Variants in TEX14 observed in about 807,000 individuals in gnomAD.
TEX14 encodes inactive serine/threonine-protein kinase TEX14.
In TEX14, 168 loss-of-function variants were observed where a neutral mutation model predicts 178.6. That is an observed-to-expected ratio of 0.94 (90% CI 0.83 to 1.07). TEX14 has a LOEUF of 1.07. Ranked by LOEUF, TEX14 falls within the 50% of genes least tolerant of loss-of-function variation. TEX14 has a pLI of 0.00. For synonymous variants in TEX14, 626 were observed against 634.1 expected, an observed-to-expected ratio of 0.99 and a Z score of 0.19; for missense variants, 1,730 against 1,753.6, an observed-to-expected ratio of 0.99 and a Z score of 0.24.
At chr17:58,557,232 T>G (rs908549479) in intron 31 of TEX14, among the ~76,000 whole-genome samples, 185 bp from the exon 32 acceptor site, 1 of 152,232 alleles carries the variant, frequency 6.6e-6, no homozygotes, top group South Asian at 2.1e-4. Context: ...TACAGAGCAA[T>G]TGACAGCAGC....
In TEX14 at chr17:58,585,876, T is replaced by C. The variant is rs2144412225; in HGVS notation, c.2995A>G (p.Lys999Glu). ...RENDEPRGNGKFDKTGNNDCD... is the reference protein window; with the variant it reads ...RENDEPRGNGEFDKTGNNDCD... ...TCATTGTTGCCCGTCTTGTCAAACT[T>C]GCCATTTCCTCTGGGCTCATCATTT... Residue 999 changes from lysine (K) to glutamate (E), a missense_variant, in exon 18 of 32, where the codon AAG becomes GAG. Transcript: ENST00000349033. The C allele has an allele frequency of 6.2e-7, 1 of 1,614,070 alleles. No individual in the cohort carries two copies. The highest frequency in any genetic ancestry group is 1.6e-4 in the Middle Eastern group (1 of 6,062).
chr17:58,686,201 G>T (rs1239061126), intron 1 of TEX14, among the ~76,000 whole-genome samples: 14 of 152,092 alleles, frequency 9.2e-5, no homozygotes. Flanking sequence ...GCTAGGCACG[G>T]TGGCATGTGC....
At chr17:58,662,413 TCTCACA>T (rs770656790) in intron 1 of TEX14, among the ~76,000 whole-genome samples, 3,431 of 127,726 alleles carry the variant, frequency 0.027, 55 homozygotes, top group Non-Finnish European at 0.035. Flanking sequence ...AGCACACATA[TCTCACA>T]CACACACACA....
rs146761365 is a variant in TEX14, at chr17:58,599,004, C to T, written c.2341G>A (p.Ala781Thr). The T allele has an allele frequency of 1.2e-5, 20 of 1,613,960 alleles. No individual in the cohort carries two copies. Among genetic ancestry groups the T allele is most frequent in the Non-Finnish European group, 1.4e-5 (16 of 1,180,018 alleles). The change falls in exon 14 of 32, where the codon GCC becomes ACC. Residue 781 changes from alanine to threonine, a missense_variant. Transcript: ENST00000349033. ...LWATSREFTNAYKLPLAVGPP... is the reference protein window; with the variant it reads ...LWATSREFTNTYKLPLAVGPP... ...CCCACGGCCAGAGGTAACTTGTAGG[C>T]ATTTGTAAACTCTCTTGAAGTGGCC... is the stretch of plus-strand genomic sequence containing the variant.
intron 1 of TEX14, among the ~76,000 whole-genome samples, chr17:58,664,943 A>T (rs896098662): frequency 2.0e-5 from 3 of 152,148 alleles, no homozygotes; most frequent in Admixed American, 2.0e-4. Flanking sequence ...GGGCTGAAGT[A>T]TAAGTTTTCC....
intron 1 of TEX14, chr17:58,661,694 G>A (rs1205502947): frequency 1.7e-6 from 1 of 594,488 alleles, no homozygotes; most frequent in Non-Finnish European, 3.0e-6. Context: ...TGAATCGGGC[G>A]CTGCACGGCA....
chr17:58,620,967 G>C (rs912991638), intron 5 of TEX14, among the ~76,000 whole-genome samples: 8 of 152,162 alleles, frequency 5.3e-5, no homozygotes, highest in African/African-American at 1.9e-4. Context: ...TGAATGACAG[G>C]ACAAGGAAGC....
chr17:58,666,065 TG>T (rs978085118), intron 1 of TEX14, among the ~76,000 whole-genome samples: 2 of 147,798 alleles, frequency 1.4e-5, no homozygotes, highest in Non-Finnish European at 3.0e-5. Flanking sequence ...AAAAAAAAAT[TG>T]GGTGCCATGG....
Position 58,588,106 on chromosome 17 carries a change from T to G in TEX14, c.2577-85A>C, listed in dbSNP as rs1945195161. ...AGATTTCATGATTATAAAAGTGCTC[T>G]TGGGAGATTTTCAGAGGTAGAAGAA... is the stretch of plus-strand genomic sequence containing the variant. On this transcript the variant is annotated intron_variant, in intron 15 of 31. Transcript: ENST00000349033. 4.5e-6 allele frequency: 3 copies of G among 673,162 alleles called. No individual in the cohort carries two copies. The Admixed American group carries it at 7.2e-5, about 16-fold the overall frequency. The allele number at this position is 673,162 out of a possible 1,614,324, so 41.7% of individuals were successfully genotyped here.
chr17:58,606,178 TA>T (rs1245485895), intron 10 of TEX14, among the ~76,000 whole-genome samples: 4 of 152,334 alleles, frequency 2.6e-5, no homozygotes, highest in South Asian at 2.1e-4. Context: ...CAGAGCATCC[TA>T]AATGTCTTCT....
chr17:58,586,463 T>C (rs2044977308), intron 17 of TEX14, among the ~76,000 whole-genome samples: 1 of 152,226 alleles, frequency 6.6e-6, no homozygotes, highest in Non-Finnish European at 1.5e-5. Context: ...CAGACTACAC[T>C]GAGCTCATAT....
intron 11 of TEX14, 145 bp from the exon 12 acceptor site, chr17:58,602,735 A>C: frequency 1.6e-6 from 1 of 628,482 alleles, no homozygotes. Context: ...CTTTAGAAAC[A>C]ATTCATTTCC....
chr17:58,690,103 T>A (rs563396941), intron 1 of TEX14, among the ~76,000 whole-genome samples: 1 of 151,990 alleles, frequency 6.6e-6, no homozygotes, highest in Admixed American at 6.6e-5. Flanking sequence ...CAGAAGATAT[T>A]AATAGCACTT....
At chr17:58,592,624 G>A (rs564554513) in intron 15 of TEX14, among the ~76,000 whole-genome samples, 8 of 148,350 alleles carry the variant, frequency 5.4e-5, no homozygotes, top group South Asian at 4.3e-4. Context: ...GTGAGCCACC[G>A]CACCCAGCTG....
chr17:58,671,260 T>C (rs963186460), intron 1 of TEX14, among the ~76,000 whole-genome samples: 1 of 152,204 alleles, frequency 6.6e-6, no homozygotes, highest in African/African-American at 2.4e-5. Context: ...GTTTCTTTTG[T>C]TTCTGCCTGG....
rs529251378 is a variant in TEX14, at chr17:58,613,019, C to T, written c.1005+402G>A. ...GAGTTTGAGAACAGCCTGGCCAACA[C>T]GGTGAAACCTCATCTCTACTAAAAA... On this transcript the variant is annotated intron_variant, in intron 9 of 31. Coordinates refer to ENST00000349033, the MANE Select transcript of TEX14 (RefSeq NM_031272.5). Among the ~76,000 whole-genome samples the T allele has an allele frequency of 5.3e-4, 81 of 152,030 alleles. 1 individual carries two copies. The highest frequency in any genetic ancestry group is 1.9e-3 in the African/African-American group (77 of 41,502).
intron 1 of TEX14, chr17:58,659,272 G>C (rs575896994): frequency 3.4e-6 from 3 of 871,358 alleles, no homozygotes; most frequent in Middle Eastern, 5.7e-4. Flanking sequence ...ACTTTATCAG[G>C]ACCAACAGCG....
chr17:58,634,616 T>G (rs2046393005), intron 2 of TEX14, among the ~76,000 whole-genome samples: 1 of 152,112 alleles, frequency 6.6e-6, no homozygotes, highest in African/African-American at 2.4e-5. Flanking sequence ...CCTTGTTCAC[T>G]TATCTGCCCA....
At chr17:58,570,856 C>T (rs2044508051) in intron 24 of TEX14, among the ~76,000 whole-genome samples, 1 of 151,986 alleles carries the variant, frequency 6.6e-6, no homozygotes, top group African/African-American at 2.4e-5. Flanking sequence ...GTCTCAAACT[C>T]CTGATCTCAA....
Sources: gnomAD v4.1 joint callset for allele counts (sites outside exome capture counted in the v4.1 genomes callset) on GRCh38, gnomAD v4.1.1 for gene constraint, MANE v1.5 for transcripts, NCBI Gene and HGNC (gene_info 2026-07-23, HGNC 2026-07-21) for gene names.